Variants in STOX1 observed in about 807,000 individuals in gnomAD.
STOX1 encodes storkhead box 1, also known as storkhead-box protein 1.
Under a neutral mutation model 74.8 loss-of-function variants are expected in STOX1, and 57 were observed. The ratio of observed to expected loss-of-function variants is 0.76; its 90% CI spans 0.62 to 0.95. The LOEUF is 0.95. STOX1 is among the 40% of genes least tolerant of loss of function. The pLI, the probability that STOX1 is intolerant of heterozygous loss-of-function variation, is 0.00. For synonymous variants in STOX1, 375 were observed against 401.3 expected, an observed-to-expected ratio of 0.93 and a Z score of 0.78; for missense variants, 1,010 against 1,117.0, an observed-to-expected ratio of 0.90 and a Z score of 1.37.
At chr10:68,856,058 T>C (rs1215865846) in intron 1 of STOX1, among the ~76,000 whole-genome samples, 1 of 152,084 alleles carries the variant, frequency 6.6e-6, no homozygotes, top group Non-Finnish European at 1.5e-5. Context: ...GAGTGCTCAC[T>C]GCACCCAGAA....
intron 1 of STOX1, among the ~76,000 whole-genome samples, chr10:68,877,382 A>G (rs551423708): frequency 1.4e-4 from 21 of 152,314 alleles, no homozygotes; most frequent in African/African-American, 4.8e-4. Context: ...GTAAGAAAAA[A>G]GTTGTGTTTC....
chr10:68,840,762 A>T (rs1434188793), intron 1 of STOX1, among the ~76,000 whole-genome samples: 1 of 151,652 alleles, frequency 6.6e-6, no homozygotes, highest in Non-Finnish European at 1.5e-5. Flanking sequence ...GGGTTTTGCC[A>T]TGTTGCCCAG....
In STOX1 at chr10:68,864,857, A is replaced by C. The variant is rs370847846; in HGVS notation, c.311-17101A>C. Among the ~76,000 whole-genome samples the C allele has an allele frequency of 5.3e-5, 8 of 152,366 alleles. 1 individual carries two copies. Among genetic ancestry groups the C allele is most frequent in the East Asian group, 1.9e-4 (1 of 5,184 alleles). On this transcript the variant is annotated intron_variant, in intron 1 of 3. Coordinates refer to ENST00000298596, the MANE Select transcript of STOX1 (RefSeq NM_152709.5). ...CAGATTACTCATGGCATAAGTAGGAATGCCTAGAGCAGGCCGTATGCAATT... is the reference window on the plus strand; with the variant it reads ...CAGATTACTCATGGCATAAGTAGGACTGCCTAGAGCAGGCCGTATGCAATT...
At chr10:68,844,956 T>A (rs1839801252) in intron 1 of STOX1, among the ~76,000 whole-genome samples, 1 of 152,032 alleles carries the variant, frequency 6.6e-6, no homozygotes, top group South Asian at 2.1e-4. Flanking sequence ...AGAGACAGAG[T>A]TTTGACATGT....
chr10:68,841,988 G>A (rs1365184622), intron 1 of STOX1, among the ~76,000 whole-genome samples: 7 of 150,798 alleles, frequency 4.6e-5, no homozygotes, highest in East Asian at 3.9e-4. Flanking sequence ...AACTACCCAC[G>A]TCCCGCACCC....
intron 1 of STOX1, among the ~76,000 whole-genome samples, chr10:68,877,504 C>A (rs954456654): frequency 6.6e-6 from 1 of 152,140 alleles, no homozygotes. Flanking sequence ...ATACAGGAAG[C>A]CCTTTGCACC....
intron 1 of STOX1, among the ~76,000 whole-genome samples, chr10:68,866,130 C>T (rs554179284): frequency 6.6e-6 from 1 of 152,128 alleles, no homozygotes; most frequent in Non-Finnish European, 1.5e-5. Flanking sequence ...AACTTGTGCT[C>T]CCTATTGTTG....
At chr10:68,846,800 T>C (rs1839867430) in intron 1 of STOX1, 1 of 152,218 alleles carries the variant, frequency 6.6e-6, no homozygotes, top group South Asian at 2.1e-4. Flanking sequence ...ATTAGGATTG[T>C]GTTAGTGCTT....
At chr10:68,844,003 G>A (rs951667800) in intron 1 of STOX1, among the ~76,000 whole-genome samples, 2 of 151,888 alleles carry the variant, frequency 1.3e-5, no homozygotes, top group East Asian at 3.9e-4. Context: ...ACACGGTGAA[G>A]CCCTGTCTCT....
Position 68,855,793 on chromosome 10 carries a change from T to A in STOX1, c.311-26165T>A, listed in dbSNP as rs189804370. Among the ~76,000 whole-genome samples, 121 of 151,736 alleles carry A rather than the reference T, an allele frequency of 8.0e-4. 1 individual carries two copies. Among genetic ancestry groups the A allele is most frequent in the African/African-American group, 2.8e-3 (116 of 41,290 alleles). ...AAAAGACTCTTAATGTGTCCTCTCA[T>A]CTCCCATCAGCTGATAAACTTGGGG... On this transcript the variant is annotated intron_variant, in intron 1 of 3. Transcript: ENST00000298596.
At position 68,827,571 on chromosome 10, in the gene STOX1, C is replaced by A; in HGVS notation, c.-53C>A. On this transcript the variant is annotated 5_prime_UTR_variant, in exon 1 of 4. Transcript: ENST00000298596. ...TCCCGCCGAGCGAGCGGCGTCGTAG[C>A]CGCCGCGCTCGCCGAGGCCCTGCGT... is the stretch of plus-strand genomic sequence containing the variant. The A allele has an allele frequency of 9.2e-7, 1 of 1,084,354 alleles. No homozygotes were observed. Among genetic ancestry groups the A allele is most frequent in the East Asian group, 5.3e-5 (1 of 18,976 alleles). 67.2% of individuals were successfully genotyped at this position (1,084,354 alleles called of 1,614,324 possible).
At chr10:68,848,514 C>A (rs1378216768) in intron 1 of STOX1, among the ~76,000 whole-genome samples, 1 of 152,146 alleles carries the variant, frequency 6.6e-6, no homozygotes, top group Non-Finnish European at 1.5e-5. Context: ...GTTTGCTTAA[C>A]CTTTCATGCC....
intron 2 of STOX1, among the ~76,000 whole-genome samples, chr10:68,883,854 C>T (rs1299627000): frequency 1.3e-5 from 2 of 148,402 alleles, no homozygotes; most frequent in Non-Finnish European, 3.0e-5. Flanking sequence ...GCCTTGAACT[C>T]CTGAGCTCAA....
At chr10:68,873,665 TC>T (rs1312404665) in intron 1 of STOX1, among the ~76,000 whole-genome samples, 38 of 129,554 alleles carry the variant, frequency 2.9e-4, no homozygotes, top group Non-Finnish European at 3.4e-4. Flanking sequence ...TTTTTTTTTT[TC>T]TTTTTTTTGA....
rs555807088 is a variant in STOX1 at position 68,877,615 on chromosome 10, T to C, written c.311-4343T>C. Among the ~76,000 whole-genome samples, 5 of 152,358 alleles carry C rather than the reference T, an allele frequency of 3.3e-5. No individual in the cohort carries two copies. The East Asian group carries it at 5.8e-4, about 18-fold the overall frequency. On this transcript the variant is annotated intron_variant, in intron 1 of 3. Coordinates refer to ENST00000298596, the MANE Select transcript of STOX1 (RefSeq NM_152709.5). The stretch of plus-strand genomic sequence containing the variant: ...ACTAGAAAATGGGCTGCTTCAGTTC[T>C]AGCCCAAAGGCATAGTGGAGACAGC...
intron 1 of STOX1, among the ~76,000 whole-genome samples, chr10:68,852,928 T>G (rs1411723405): frequency 7.2e-6 from 1 of 138,538 alleles, no homozygotes; most frequent in Non-Finnish European, 1.5e-5. Context: ...AAACACTTCT[T>G]TTTTTTTTTT....
rs553842566 is a variant in STOX1, at chr10:68,885,898, A to G, written c.2102A>G (p.Gln701Arg). 1 of 1,614,238 alleles carries G rather than the reference A, an allele frequency of 6.2e-7. No individual in the cohort carries two copies. Among genetic ancestry groups the G allele is most frequent in the African/African-American group, 1.3e-5 (1 of 75,072 alleles). ...GAATTATTGAGAAAAGGATTTGTCC[A>G]GGATGCAGAGACTACAAGCCTAGAA... ...SEELLRKGFV[Q>R]DAETTSLENE... The change falls in exon 3 of 4, where the codon CAG (glutamine) becomes CGG (arginine). Residue 701 changes from glutamine (Q) to arginine (R), a missense_variant. Physicochemically the swap from Gln to Arg is conservative, Grantham distance 43. Coordinates refer to ENST00000298596, the MANE Select transcript of STOX1 (RefSeq NM_152709.5).
intron 1 of STOX1, among the ~76,000 whole-genome samples, chr10:68,829,604 C>T (rs1461658466): frequency 6.6e-6 from 1 of 152,126 alleles, no homozygotes; most frequent in Non-Finnish European, 1.5e-5. Context: ...AAGCAAGCAC[C>T]TGACCCACCG....
chr10:68,872,310 A>G (rs905162776), intron 1 of STOX1, among the ~76,000 whole-genome samples: 3 of 151,498 alleles, frequency 2.0e-5, no homozygotes, highest in Admixed American at 2.0e-4. Flanking sequence ...TAAAATAAGT[A>G]ATGCTAGGGA....
Sources: gnomAD v4.1 joint callset for allele counts (sites outside exome capture counted in the v4.1 genomes callset) on GRCh38, gnomAD v4.1.1 for gene constraint, MANE v1.5 for transcripts, NCBI Gene and HGNC (gene_info 2026-07-23, HGNC 2026-07-21) for gene names.